Variants in CSMD1 observed in about 807,000 individuals in gnomAD.
CSMD1 encodes CUB and Sushi multiple domains 1, also known as CUB and sushi domain-containing protein 1.
In CSMD1, 213 loss-of-function variants were observed where a neutral mutation model predicts 417.5. That is an observed-to-expected ratio of 0.51 (90% CI 0.46 to 0.57). CSMD1 has a LOEUF of 0.57. CSMD1 is among the 20% of genes least tolerant of loss of function. The pLI is 0.00. For missense variants in CSMD1, 6,923 were observed against 4,529.7 expected (o/e 1.53, Z -15.17); for synonymous variants, 2,862 against 1,736.8 (o/e 1.65, Z -16.11).
At chr8:3,919,353 G>C (rs554702472) in intron 5 of CSMD1, among the ~76,000 whole-genome samples, 18 of 152,098 alleles carry the variant, frequency 1.2e-4, no homozygotes, top group African/African-American at 4.1e-4. Context: ...TCCTCTGCAC[G>C]ACATACTCAG....
At chr8:4,036,970 T>G (rs1234225801) in intron 3 of CSMD1, among the ~76,000 whole-genome samples, 2 of 150,710 alleles carry the variant, frequency 1.3e-5, no homozygotes, top group African/African-American at 4.9e-5. Flanking sequence ...TGTGTGTGTG[T>G]GTGTGTGTGT....
chr8:4,947,667 T>C (rs992500716), intron 1 of CSMD1, among the ~76,000 whole-genome samples: 1 of 152,154 alleles, frequency 6.6e-6, no homozygotes, highest in African/African-American at 2.4e-5. Context: ...TTTGGGTTGA[T>C]CATTCTTGGC....
chr8:2,941,586 T>C (rs1253241674), intron 69 of CSMD1, among the ~76,000 whole-genome samples: 1 of 152,236 alleles, frequency 6.6e-6, no homozygotes, highest in Non-Finnish European at 1.5e-5. Context: ...AAAATAATTC[T>C]TTTCTTCTGG....
intron 3 of CSMD1, among the ~76,000 whole-genome samples, chr8:4,251,907 G>A (rs969395569): frequency 2.0e-5 from 3 of 150,864 alleles, no homozygotes; most frequent in Non-Finnish European, 4.4e-5. Context: ...GGGGAGGGGA[G>A]GATAATGTGG....
chr8:3,703,137 AG>A (rs1203698229), intron 7 of CSMD1, among the ~76,000 whole-genome samples: 1 of 152,184 alleles, frequency 6.6e-6, no homozygotes, highest in Non-Finnish European at 1.5e-5. Context: ...ACTGATTACA[AG>A]CTGGTGAAAA....
At chr8:3,888,676 G>A (rs900298080) in intron 5 of CSMD1, among the ~76,000 whole-genome samples, 1 of 152,158 alleles carries the variant, frequency 6.6e-6, no homozygotes, top group Non-Finnish European at 1.5e-5. Context: ...TGCACTGAGA[G>A]AGAAAGAGGC....
At chr8:3,556,514 A>ACG (rs1255459411) in intron 10 of CSMD1, among the ~76,000 whole-genome samples, 5 of 80,254 alleles carry the variant, frequency 6.2e-5, no homozygotes, top group East Asian at 7.7e-4. Flanking sequence ...TCTTTTTCAC[A>ACG]CGCACACACA....
At chr8:3,467,787 G>A (rs1291382128) in intron 12 of CSMD1, among the ~76,000 whole-genome samples, 1 of 152,130 alleles carries the variant, frequency 6.6e-6, no homozygotes, top group South Asian at 2.1e-4. Flanking sequence ...TTTAGGATTG[G>A]TGGATGCTTT....
intron 12 of CSMD1, among the ~76,000 whole-genome samples, chr8:3,436,694 C>G (rs538465443): frequency 6.6e-6 from 1 of 152,144 alleles, no homozygotes; most frequent in African/African-American, 2.4e-5. Context: ...TACGCGACAC[C>G]TTAGAAACGC....
intron 1 of CSMD1, among the ~76,000 whole-genome samples, chr8:4,656,777 T>C (rs571165179): frequency 4.6e-5 from 7 of 152,000 alleles, no homozygotes; most frequent in Non-Finnish European, 1.0e-4. Context: ...GACGTGATCC[T>C]AGAAAGGACC....
At chr8:3,816,468 G>T (rs12680074) in intron 5 of CSMD1, among the ~76,000 whole-genome samples, 44,540 of 152,026 alleles carry the variant, frequency 0.29, 6,905 homozygotes, top group East Asian at 0.39. Flanking sequence ...TAGCTGTTAT[G>T]AATCTCTCGC....
At chr8:4,831,259 G>A (rs1028215858) in intron 1 of CSMD1, among the ~76,000 whole-genome samples, 20 of 152,146 alleles carry the variant, frequency 1.3e-4, no homozygotes, top group African/African-American at 4.8e-4. Context: ...CATATTGTAG[G>A]TTTGACTGGG....
intron 5 of CSMD1, among the ~76,000 whole-genome samples, chr8:3,771,040 G>C (rs992919841): frequency 9.9e-5 from 15 of 152,004 alleles, no homozygotes; most frequent in Non-Finnish European, 2.1e-4. Flanking sequence ...CTGCGTGCGT[G>C]TGTGTGTTTC....
Position 4,994,428 on chromosome 8 carries a change from C to A in CSMD1, c.-12G>T, listed in dbSNP as rs764503959. On this transcript the variant is annotated 5_prime_UTR_variant, in exon 1 of 70. Coordinates refer to ENST00000635120, the MANE Select transcript of CSMD1 (RefSeq NM_033225.6). Reference sequence around the variant, plus strand: ...CTCCACGCAGTCATGTCTGCAGATACTCCACACGCACGCGACACCGATGGC... The same window carrying A: ...CTCCACGCAGTCATGTCTGCAGATAATCCACACGCACGCGACACCGATGGC... The A allele has an allele frequency of 1.2e-6, 2 of 1,609,360 alleles. No homozygotes were observed. Among genetic ancestry groups the A allele is most frequent in the South Asian group, 1.1e-5 (1 of 90,980 alleles).
At chr8:3,519,433 G>C (rs1797411073) in intron 10 of CSMD1, among the ~76,000 whole-genome samples, 1 of 152,302 alleles carries the variant, frequency 6.6e-6, no homozygotes, top group South Asian at 2.1e-4. Flanking sequence ...TCATGTAAAA[G>C]ATGAAGTTTC....
chr8:3,745,810 T>G (rs1797039519), intron 6 of CSMD1, among the ~76,000 whole-genome samples: 1 of 152,240 alleles, frequency 6.6e-6, no homozygotes, highest in Admixed American at 6.5e-5. Context: ...CCTGTGCCTT[T>G]GAAGGTTTCC....
intron 5 of CSMD1, among the ~76,000 whole-genome samples, chr8:3,960,733 AT>A (rs1158524424): frequency 6.6e-6 from 1 of 151,944 alleles, no homozygotes; most frequent in Non-Finnish European, 1.5e-5. Context: ...AATTTAATTC[AT>A]TTTTATAATT....
chr8:2,959,092 T>C (rs1398023710), intron 62 of CSMD1, among the ~76,000 whole-genome samples: 1 of 152,238 alleles, frequency 6.6e-6, no homozygotes, highest in African/African-American at 2.4e-5. Context: ...CTTGATTGAT[T>C]GATTGATTGA....
At chr8:3,101,206 C>G (rs1373159276) in intron 46 of CSMD1, among the ~76,000 whole-genome samples, 1 of 152,092 alleles carries the variant, frequency 6.6e-6, no homozygotes, top group Non-Finnish European at 1.5e-5. Flanking sequence ...CACCTCTTCC[C>G]CCAAAACACC....
Sources: allele counts gnomAD v4.1 joint callset (sites outside exome capture counted in the v4.1 genomes callset), GRCh38; gene constraint gnomAD v4.1.1; transcripts MANE v1.5; gene names NCBI Gene and HGNC (gene_info 2026-07-23, HGNC 2026-07-21).